Variants in NOSTRIN observed in about 807,000 individuals in gnomAD.
NOSTRIN encodes the protein BM247 homolog.
NOSTRIN carries 63 observed loss-of-function variants against 59.0 expected under a neutral mutation model. That is an observed-to-expected ratio of 1.07 (90% CI 0.87 to 1.32). The LOEUF (loss-of-function observed/expected upper bound fraction) is 1.32, where lower values mean the gene tolerates loss of function less well. Ranked by LOEUF, NOSTRIN falls within the 40% of genes most tolerant of loss-of-function variation. The probability of loss-of-function intolerance (pLI) is 0.00; values close to 1 mark genes in which losing one functional copy is unlikely to be tolerated. For synonymous variants in NOSTRIN, 200 were observed against 165.4 expected (o/e 1.21, Z -1.61); for missense variants, 512 against 473.1 (o/e 1.08, Z -0.76).
intron 1 of NOSTRIN, among the ~76,000 whole-genome samples, chr2:168,809,765 AAAAT>A (rs1040008030): frequency 7.4e-4 from 109 of 148,198 alleles, no homozygotes; most frequent in Admixed American, 1.8e-3. Context: ...TTAAATATAA[AAAAT>A]AAATAATAAA....
chr2:168,833,177 A>G (rs1333749909), intron 6 of NOSTRIN, among the ~76,000 whole-genome samples: 1 of 152,234 alleles, frequency 6.6e-6, no homozygotes, highest in African/African-American at 2.4e-5. Flanking sequence ...CCCAGTTACA[A>G]TTCAAGGGAT....
At chr2:168,817,257 A>G (rs530165160) in intron 2 of NOSTRIN, among the ~76,000 whole-genome samples, 1 of 152,124 alleles carries the variant, frequency 6.6e-6, no homozygotes, top group Non-Finnish European at 1.5e-5. Flanking sequence ...GTGACCCAAC[A>G]TGCTCAGGGA....
intron 6 of NOSTRIN, among the ~76,000 whole-genome samples, chr2:168,832,971 T>C (rs1687454218): frequency 6.6e-6 from 1 of 152,162 alleles, no homozygotes. Flanking sequence ...TATTCAGCTT[T>C]CACAGGAATT....
chr2:168,860,941 G>T (rs758194371), intron 14 of NOSTRIN, 32 bp downstream of exon 14: 73 of 1,405,664 alleles, frequency 5.2e-5, no homozygotes, highest in Non-Finnish European at 7.2e-5. Flanking sequence ...TTTTGGCCTG[G>T]GTCCTACTGG....
In NOSTRIN at chr2:168,831,658, G is replaced by A. The variant is rs1687369397; in HGVS notation, c.405+124G>A. The stretch of plus-strand genomic sequence containing the variant: ...CTAAGTGCTAACTGAAGAGAAAAAT[G>A]TTTCCTTACCTGGTTGTTACACAGA... On this transcript the variant is annotated intron_variant, in intron 6 of 15. Transcript: ENST00000317647. 1.7e-5 allele frequency: 11 copies of A among 638,280 alleles called. No homozygotes were observed. In the South Asian group the frequency reaches 1.7e-4, roughly 10 times the overall value. The allele number at this position is 638,280 out of a possible 1,614,324, so 39.5% of individuals were successfully genotyped here.
chr2:168,851,691 A>T (rs1489883718), intron 10 of NOSTRIN, among the ~76,000 whole-genome samples: 1 of 152,186 alleles, frequency 6.6e-6, no homozygotes, highest in African/African-American at 2.4e-5. Context: ...AATGACCTAT[A>T]ATTAATCACT....
chr2:168,807,790 A>G (rs949288363), intron 1 of NOSTRIN, among the ~76,000 whole-genome samples: 1 of 152,064 alleles, frequency 6.6e-6, no homozygotes, highest in Middle Eastern at 3.2e-3. Flanking sequence ...CATTTACCAC[A>G]CTCTACCAGT....
chr2:168,792,931 C>T (rs1292583084), intron 2 of NOSTRIN, among the ~76,000 whole-genome samples: 3 of 152,122 alleles, frequency 2.0e-5, no homozygotes. Flanking sequence ...CTCAAAGGGG[C>T]TAAGAAATTT....
chr2:168,843,837 T>C (rs1688235798), intron 8 of NOSTRIN, among the ~76,000 whole-genome samples: 1 of 152,240 alleles, frequency 6.6e-6, no homozygotes, highest in African/African-American at 2.4e-5. Context: ...GTTCCCTTTT[T>C]AGGCATATAT....
intron 8 of NOSTRIN, among the ~76,000 whole-genome samples, chr2:168,844,270 G>A (rs1263365377): frequency 1.3e-5 from 2 of 152,118 alleles, no homozygotes; most frequent in African/African-American, 2.4e-5. Flanking sequence ...GCTTATGCAC[G>A]GCCCCTGGTG....
chr2:168,799,050 A>T (rs534379360), upstream of NOSTRIN, among the ~76,000 whole-genome samples: 1 of 152,254 alleles, frequency 6.6e-6, no homozygotes, highest in African/African-American at 2.4e-5. Flanking sequence ...GGAATTTGTG[A>T]TTCACAGAAC....
chr2:168,793,603 C>T (rs768305746), upstream of NOSTRIN, among the ~76,000 whole-genome samples: 3 of 151,886 alleles, frequency 2.0e-5, no homozygotes, highest in Non-Finnish European at 4.4e-5. Flanking sequence ...AGAGTGAGAC[C>T]CTGTCTCAAA....
chr2:168,796,319 C>T (rs1685477942), upstream of NOSTRIN, among the ~76,000 whole-genome samples: 1 of 152,184 alleles, frequency 6.6e-6, no homozygotes, highest in South Asian at 2.1e-4. Context: ...CATAGCTAGT[C>T]CTAGGAAGAA....
At chr2:168,828,055 T>A (rs1181968280) in intron 3 of NOSTRIN, 103 bp from the exon 4 acceptor site, 1 of 776,486 alleles carries the variant, frequency 1.3e-6, no homozygotes, top group Non-Finnish European at 2.3e-6. Flanking sequence ...AATGCAATTG[T>A]TGAATGTGGT....
intron 8 of NOSTRIN, among the ~76,000 whole-genome samples, chr2:168,844,863 C>G (rs1209626011): frequency 7.5e-6 from 1 of 134,046 alleles, no homozygotes; most frequent in African/African-American, 3.0e-5. Context: ...GAGCAAGACT[C>G]CGTCTCAAAA....
chr2:168,863,723 T>C (rs1216062512), intron 15 of NOSTRIN: 1 of 897,964 alleles, frequency 1.1e-6, no homozygotes, highest in Non-Finnish European at 1.3e-6. Context: ...AGAGACATTG[T>C]CTTGATCTTA....
At position 168,864,836 on chromosome 2, in the gene NOSTRIN, G is replaced by A. The variant is rs189095191; in HGVS notation, c.1387G>A (p.Asp463Asn). The change falls in exon 16 of 16, where the codon GAC becomes AAC. Residue 463 changes from aspartate to asparagine, a missense_variant and splice_region_variant. Asp to Asn is a conservative substitution (Grantham distance 23). Transcript: ENST00000317647. The part of the protein sequence containing the change: ...QDDELNLEKG[D>N]IVIIHEKKEG... ...TTTGTCTAACTGTATTTTCACAGGT[G>A]ACATTGTGATTATACACGAGAAAAA... The A allele has an allele frequency of 2.3e-4, 371 of 1,613,812 alleles. 2 individuals carry two copies. Among genetic ancestry groups the A allele is most frequent in the South Asian group, 1.4e-3 (132 of 91,064 alleles).
chr2:168,802,168 C>T (rs140050796), upstream of NOSTRIN, among the ~76,000 whole-genome samples: 1 of 152,088 alleles, frequency 6.6e-6, no homozygotes, highest in Non-Finnish European at 1.5e-5. Context: ...GTTGTTTGCT[C>T]TCTCTAGGAA....
At chr2:168,821,457 A>G (rs1686733823) in intron 2 of NOSTRIN, among the ~76,000 whole-genome samples, 1 of 152,262 alleles carries the variant, frequency 6.6e-6, no homozygotes, top group South Asian at 2.1e-4. Flanking sequence ...TTTGTGACAT[A>G]CATACTGAGT....
Sources: gnomAD v4.1 joint callset for allele counts (sites outside exome capture counted in the v4.1 genomes callset) on GRCh38, gnomAD v4.1.1 for gene constraint, MANE v1.5 for transcripts, NCBI Gene and HGNC (gene_info 2026-07-23, HGNC 2026-07-21) for gene names.